Variants in FBN1 observed in about 807,000 individuals in gnomAD.
FBN1 encodes the protein fibrillin 1, also known as fibrillin-1.
In FBN1, 29 loss-of-function variants were observed where a neutral mutation model predicts 365.1. That is an observed-to-expected ratio of 0.08 (90% CI 0.06 to 0.11). The LOEUF (loss-of-function observed/expected upper bound fraction) is 0.11, where lower values mean the gene tolerates loss of function less well. Ranked by LOEUF, FBN1 falls within the 10% of genes least tolerant of loss-of-function variation. FBN1 has a pLI of 1.00. For synonymous variants in FBN1, 1,210 were observed against 1,270.5 expected (o/e 0.95, Z 1.01); for missense variants, 2,476 against 3,703.2 (o/e 0.67, Z 8.60).
chr15:48,435,768 GTATA>G lies in FBN1; in HGVS notation c.6497-1059_6497-1056del, dbSNP rs371770634. Among the ~76,000 whole-genome samples the G allele has an allele frequency of 1.4e-3, 160 of 111,328 alleles. 8 individuals carry two copies. The highest frequency in any genetic ancestry group is 5.8e-3 in the South Asian group (19 of 3,280). The allele number at this position is 111,328 out of a possible 152,430, so 73.0% of individuals were successfully genotyped here. A position where few individuals can be genotyped will look rare whatever the true frequency, so the allele number is the denominator to read the frequency against. Reference sequence around the variant, plus strand: ...TATATATATGTGTGTATATATATGTGTATATGTGTGTGTGTGTGTGTGTGTGTGT... The same window carrying G: ...TATATATATGTGTGTATATATATGTGTGTGTGTGTGTGTGTGTGTGTGTGT... On this transcript the variant is annotated intron_variant, in intron 53 of 65. Coordinates refer to ENST00000316623, the MANE Select transcript of FBN1 (RefSeq NM_000138.5).
chr15:48,615,285 T>C (rs1236774657), intron 2 of FBN1, among the ~76,000 whole-genome samples: 1 of 152,020 alleles, frequency 6.6e-6, no homozygotes, highest in East Asian at 1.9e-4. Context: ...AGGTTTTATT[T>C]TTTTTTTTTA....
chr15:48,525,656 G>A (rs1051552614), intron 9 of FBN1, among the ~76,000 whole-genome samples: 2 of 152,180 alleles, frequency 1.3e-5, no homozygotes, highest in African/African-American at 4.8e-5. Flanking sequence ...AAACTACCGA[G>A]GGTTTGAGCA....
chr15:48,465,432 A>C (rs2043312601), intron 40 of FBN1, 136 bp downstream of exon 40: 1 of 974,652 alleles, frequency 1.0e-6, no homozygotes, highest in Admixed American at 1.8e-5. Flanking sequence ...CATGTGAGAC[A>C]TATCTACCTG....
intron 29 of FBN1, 149 bp from the exon 30 acceptor site, chr15:48,485,645 C>T: frequency 3.6e-6 from 3 of 842,514 alleles, no homozygotes; most frequent in Non-Finnish European, 1.9e-6. Flanking sequence ...GCTCTACCCT[C>T]ATGGTGGGAT....
intron 43 of FBN1, 82 bp from the exon 44 acceptor site, chr15:48,456,844 G>GTGTC: frequency 1.6e-6 from 1 of 626,640 alleles, no homozygotes; most frequent in East Asian, 3.3e-5. Flanking sequence ...AAGTGCGTGC[G>GTGTC]TGTGTGTGTG....
At chr15:48,515,101 G>C (rs1307274086) in intron 12 of FBN1, among the ~76,000 whole-genome samples, 1 of 152,032 alleles carries the variant, frequency 6.6e-6, no homozygotes, top group Admixed American at 6.6e-5. Flanking sequence ...TGGAGGAAGG[G>C]GTCATGAGCT....
chr15:48,440,588 C>A (rs1432878044), intron 50 of FBN1, among the ~76,000 whole-genome samples: 1 of 152,124 alleles, frequency 6.6e-6, no homozygotes, highest in Non-Finnish European at 1.5e-5. Context: ...TGAAATCAAC[C>A]GGAGAACTCT....
chr15:48,497,462 A>G (rs1439227502), intron 18 of FBN1, 71 bp from the exon 19 acceptor site: 2 of 1,430,608 alleles, frequency 1.4e-6, no homozygotes, highest in African/African-American at 2.8e-5. Context: ...TAAAAATATA[A>G]CACTACAATA....
chr15:48,510,585 T>A (rs1363618156), intron 13 of FBN1, among the ~76,000 whole-genome samples: 1 of 152,210 alleles, frequency 6.6e-6, no homozygotes, highest in Non-Finnish European at 1.5e-5. Context: ...GCTATTTTTT[T>A]AAACAATCAC....
rs1009285435 is a variant in FBN1, at chr15:48,528,457, G to A, written c.863-2202C>T. On this transcript the variant is annotated intron_variant, in intron 8 of 65. Coordinates refer to ENST00000316623, the MANE Select transcript of FBN1 (RefSeq NM_000138.5). Reference sequence around the variant, plus strand: ...TCCTTATAATGCAGGTAGGACTGTGGGCCTGATTCTATACCTCTGGTGCCC... The same window carrying A: ...TCCTTATAATGCAGGTAGGACTGTGAGCCTGATTCTATACCTCTGGTGCCC... 4.6e-5 allele frequency among the ~76,000 whole-genome samples: 7 copies of A among 152,260 alleles called. No homozygotes were observed. The East Asian group carries it at 1.3e-3, about 29-fold the overall frequency.
intron 25 of FBN1, among the ~76,000 whole-genome samples, chr15:48,489,438 C>T (rs913032306): frequency 6.6e-6 from 1 of 151,942 alleles, no homozygotes; most frequent in African/African-American, 2.4e-5. Flanking sequence ...CACTACAGGG[C>T]CTTTTTCCAA....
In FBN1 at chr15:48,538,821, T is replaced by C. The variant is rs73394234; in HGVS notation, c.539-1013A>G. ...CTTCCAGGTCATTTTCAGAAGTGTT[T>C]AGGTGCAGTGATCCCTGTGAGTCTA... On this transcript the variant is annotated intron_variant, in intron 6 of 65. Coordinates refer to ENST00000316623, the MANE Select transcript of FBN1 (RefSeq NM_000138.5). Among the ~76,000 whole-genome samples, 1,142 of 152,278 alleles carry C rather than the reference T, an allele frequency of 7.5e-3. 18 individuals are homozygous for C. The highest frequency in any genetic ancestry group is 0.026 in the African/African-American group (1,101 of 41,550).
chr15:48,488,764 A>G (rs2043531423), intron 25 of FBN1, among the ~76,000 whole-genome samples: 1 of 152,250 alleles, frequency 6.6e-6, no homozygotes, highest in South Asian at 2.1e-4. Flanking sequence ...CCTGACACAT[A>G]GTGAATATTT....
intron 10 of FBN1, 81 bp from the exon 11 acceptor site, chr15:48,516,443 T>C: frequency 7.1e-7 from 1 of 1,399,214 alleles, no homozygotes; most frequent in Non-Finnish European, 1.0e-6. Flanking sequence ...TCCTTATTTT[T>C]TTAAAGATAT....
At chr15:48,581,871 A>G (rs996007017) in intron 6 of FBN1, among the ~76,000 whole-genome samples, 2 of 152,342 alleles carry the variant, frequency 1.3e-5, no homozygotes, top group South Asian at 2.1e-4. Flanking sequence ...CTGAGAAGAC[A>G]TAAGTCTCAT....
chr15:48,613,011 G>A lies in FBN1; in HGVS notation c.246C>T (p.Val82=). ...KTLPGGNQCI[V]PICRHSCGDG... is the part of the protein sequence containing the mutation. ...ATGACAAGTTTTCTATTTACTTACG[G>A]ACAATACACTGATTTCCGCCAGGTA... The change falls in exon 3 of 66, where the codon GTC becomes GTT. Residue 82 remains valine, a splice_region_variant and synonymous_variant. Transcript: ENST00000316623. 1 of 1,610,296 alleles carries A rather than the reference G, an allele frequency of 6.2e-7. No homozygotes were observed. Among genetic ancestry groups the A allele is most frequent in the Non-Finnish European group, 8.5e-7 (1 of 1,176,912 alleles).
At chr15:48,619,883 A>T (rs1361538230) in intron 2 of FBN1, among the ~76,000 whole-genome samples, 1 of 152,190 alleles carries the variant, frequency 6.6e-6, no homozygotes, top group Non-Finnish European at 1.5e-5. Context: ...GTTAAAAAAA[A>T]AAAAACAGGA....
intron 35 of FBN1, among the ~76,000 whole-genome samples, chr15:48,471,109 T>A (rs2043372027): frequency 6.6e-6 from 1 of 151,984 alleles, no homozygotes; most frequent in South Asian, 2.1e-4. Flanking sequence ...ATCTATGTAG[T>A]CACTGTTTTT....
In FBN1 at chr15:48,425,233, T is replaced by C; in HGVS notation, c.7453+136A>G. 7 of 1,147,126 alleles carry C rather than the reference T, an allele frequency of 6.1e-6. No individual in the cohort carries two copies. In the South Asian group the frequency reaches 7.4e-5, roughly 12 times the overall value. The allele number at this position is 1,147,126 out of a possible 1,614,324, so 71.1% of individuals were successfully genotyped here. A position where few individuals can be genotyped will look rare whatever the true frequency, so the allele number is the denominator to read the frequency against. ...CCTCCAGCACAGGAGGTAGGTCCCATGGAGGCATTAACCCCAGGGAAGCAC... is the reference window on the plus strand; with the variant it reads ...CCTCCAGCACAGGAGGTAGGTCCCACGGAGGCATTAACCCCAGGGAAGCAC... On this transcript the variant is annotated intron_variant, in intron 60 of 65. Coordinates refer to ENST00000316623, the MANE Select transcript of FBN1 (RefSeq NM_000138.5).
Sources: gnomAD v4.1 joint callset for allele counts (sites outside exome capture counted in the v4.1 genomes callset) on GRCh38, gnomAD v4.1.1 for gene constraint, MANE v1.5 for transcripts, NCBI Gene and HGNC (gene_info 2026-07-23, HGNC 2026-07-21) for gene names.